Variants in TMEM108 observed in about 807,000 individuals in gnomAD.
The protein encoded by TMEM108 is transmembrane protein 108, also known as cancer/testis antigen 124.
TMEM108 carries 12 observed loss-of-function variants against 35.1 expected under a neutral mutation model. The observed-to-expected ratio is 0.34, with a 90% CI of 0.22 to 0.55. The LOEUF (loss-of-function observed/expected upper bound fraction) is 0.55, where lower values mean the gene tolerates loss of function less well. TMEM108 is among the 20% of genes least tolerant of loss of function. TMEM108 has a pLI of 0.89. For synonymous variants in TMEM108, 287 were observed against 308.6 expected (o/e 0.93, Z 0.73); for missense variants, 680 against 753.3 (o/e 0.90, Z 1.14).
intron 2 of TMEM108, among the ~76,000 whole-genome samples, chr3:133,181,023 A>AAAAAAAAAAAC (rs1945332940): frequency 7.0e-6 from 1 of 141,852 alleles, no homozygotes; most frequent in Non-Finnish European, 1.5e-5. Context: ...AAAAAAAAAA[A>AAAAAAAAAAAC]AAAAAAAAAA....
chr3:133,315,842 G>T lies in TMEM108; in HGVS notation c.41-63910G>T, dbSNP rs138913453. On this transcript the variant is annotated intron_variant, in intron 3 of 5. Coordinates refer to ENST00000321871, the MANE Select transcript of TMEM108 (RefSeq NM_023943.4). ...CAAAATCACTTTATTTTATATTATA[G>T]ATTAACATTAAATGAGTAAGGAATA... Among the ~76,000 whole-genome samples, 647 of 152,282 alleles carry T rather than the reference G, an allele frequency of 4.2e-3. 2 individuals carry two copies. The highest frequency in any genetic ancestry group is 0.014 in the African/African-American group (600 of 41,554).
intron 3 of TMEM108, among the ~76,000 whole-genome samples, chr3:133,338,484 T>G (rs544331988): frequency 6.6e-6 from 1 of 152,104 alleles, no homozygotes; most frequent in South Asian, 2.1e-4. Flanking sequence ...GAAGCAGAAA[T>G]AGACTTTCCC....
chr3:133,143,104 T>C (rs1425523643), intron 2 of TMEM108, among the ~76,000 whole-genome samples: 2 of 152,172 alleles, frequency 1.3e-5, no homozygotes, highest in Non-Finnish European at 2.9e-5. Context: ...AACAAGTGTA[T>C]GGTGCTGAAG....
intron 3 of TMEM108, among the ~76,000 whole-genome samples, chr3:133,311,047 G>T (rs1371458299): frequency 2.0e-5 from 3 of 152,164 alleles, no homozygotes; most frequent in Admixed American, 2.0e-4. Flanking sequence ...GTTGAATATT[G>T]ACCCCCACTC....
intron 3 of TMEM108, among the ~76,000 whole-genome samples, chr3:133,275,144 A>G (rs1442821273): frequency 2.0e-5 from 3 of 151,886 alleles, no homozygotes; most frequent in African/African-American, 7.3e-5. Context: ...TTTAGCTCTG[A>G]CTCTACAACT....
chr3:133,123,699 T>A (rs931313869), intron 2 of TMEM108, among the ~76,000 whole-genome samples: 1 of 152,236 alleles, frequency 6.6e-6, no homozygotes, highest in East Asian at 1.9e-4. Flanking sequence ...AAGCCTCTTT[T>A]TAGAAGAAAT....
intron 3 of TMEM108, among the ~76,000 whole-genome samples, chr3:133,303,659 C>T (rs1947262650): frequency 6.6e-6 from 1 of 152,112 alleles, no homozygotes; most frequent in African/African-American, 2.4e-5. Flanking sequence ...CACACACACA[C>T]ACATCCTTAA....
At chr3:133,084,378 T>C (rs544443902) in intron 2 of TMEM108, among the ~76,000 whole-genome samples, 11 of 152,300 alleles carry the variant, frequency 7.2e-5, no homozygotes, top group African/African-American at 2.4e-5. Flanking sequence ...TCTTCCCTTC[T>C]CTCTCCCACT....
intron 2 of TMEM108, among the ~76,000 whole-genome samples, chr3:133,215,171 G>T (rs1945888496): frequency 6.6e-6 from 1 of 152,012 alleles, no homozygotes; most frequent in African/African-American, 2.4e-5. Context: ...TATTTAGTAT[G>T]TATTGTTGAT....
rs1002568750 is a variant in TMEM108, at chr3:133,209,084, C to T, written c.-46-20182C>T. On this transcript the variant is annotated intron_variant, in intron 2 of 5. Transcript: ENST00000321871. ...TTTAAGAGACAGGGTCTCACAGTTG[C>T]CCAGGCTGAAGTGCAGTGGCACAAT... Among the ~76,000 whole-genome samples the T allele has an allele frequency of 6.6e-5, 10 of 152,258 alleles. No homozygotes were observed. In the South Asian group the frequency reaches 2.1e-3, roughly 32 times the overall value.
chr3:133,159,297 A>G (rs1183298290), intron 2 of TMEM108, among the ~76,000 whole-genome samples: 1 of 152,170 alleles, frequency 6.6e-6, no homozygotes, highest in African/African-American at 2.4e-5. Context: ...TTGCTAATCT[A>G]GTTAGGTAAG....
Position 133,380,563 on chromosome 3 carries a change from C to T in TMEM108, c.852C>T (p.Ala284=). ...ACAAGCCAGGCCTTCGCAGAGCAGC[C>T]CAGGGGGGTGGTTCTACCTTCACCA... ...AKDKPGLRRA[A]QGGGSTFTSQ... is the part of the protein sequence containing the mutation. Residue 284 remains alanine (A), a synonymous_variant, in exon 4 of 6, where the codon GCC becomes GCT. Coordinates refer to ENST00000321871, the MANE Select transcript of TMEM108 (RefSeq NM_023943.4). This position sits in a 1 kb window ranked among gnomAD's most constrained non-coding sequence, Gnocchi z 5.3. 2 of 1,613,678 alleles carry T rather than the reference C, an allele frequency of 1.2e-6. No individual in the cohort carries two copies. The highest frequency in any genetic ancestry group is 1.3e-5 in the African/African-American group (1 of 75,034).
intron 2 of TMEM108, among the ~76,000 whole-genome samples, chr3:133,140,159 A>G (rs1457765862): frequency 6.6e-6 from 1 of 152,224 alleles, no homozygotes; most frequent in African/African-American, 2.4e-5. Flanking sequence ...CTTTGGGGAA[A>G]AGATTTGCCG....
At chr3:133,060,756 C>T (rs1943525414) in intron 2 of TMEM108, among the ~76,000 whole-genome samples, 1 of 152,136 alleles carries the variant, frequency 6.6e-6, no homozygotes, top group Admixed American at 6.5e-5. Context: ...TACACCTTGA[C>T]CCAGCAATTC....
At chr3:133,062,524 T>C (rs530330208) in intron 2 of TMEM108, among the ~76,000 whole-genome samples, 1 of 152,320 alleles carries the variant, frequency 6.6e-6, no homozygotes, top group South Asian at 2.1e-4. Flanking sequence ...ACCATAAGAA[T>C]TTGTGCTAAG....
chr3:133,203,319 C>T (rs1245744052), intron 2 of TMEM108, among the ~76,000 whole-genome samples: 1 of 152,154 alleles, frequency 6.6e-6, no homozygotes, highest in South Asian at 2.1e-4. Context: ...GCCAGAACTT[C>T]GAATACTATG....
intron 3 of TMEM108, among the ~76,000 whole-genome samples, chr3:133,272,218 G>A (rs182728661): frequency 6.6e-6 from 1 of 151,792 alleles, no homozygotes; most frequent in African/African-American, 2.4e-5. Context: ...TGGGGCGGAG[G>A]GGTATGTGGA....
rs1476235185 is a variant in TMEM108 at position 133,319,177 on chromosome 3, C to T, written c.41-60575C>T. Reference sequence around the variant, plus strand: ...ACCCCTTTATCCCCCATGGTAGCTACGGCAAGCCCTTGCCCAAGAAGAGTC... The same window carrying T: ...ACCCCTTTATCCCCCATGGTAGCTATGGCAAGCCCTTGCCCAAGAAGAGTC... On this transcript the variant is annotated intron_variant, in intron 3 of 5. Transcript: ENST00000321871. Among the ~76,000 whole-genome samples the T allele has an allele frequency of 3.3e-5, 5 of 152,264 alleles. No homozygotes were observed. In the South Asian group the frequency reaches 6.2e-4, roughly 19 times the overall value.
rs562773882 is a variant in TMEM108, at chr3:133,355,889, A to C, written c.41-23863A>C. The stretch of plus-strand genomic sequence containing the variant: ...TTTAATTGCTAGCTTTTTTCTTTCT[A>C]ACTGGCACAAAAAAATAGTGTATTT... On this transcript the variant is annotated intron_variant, in intron 3 of 5. Coordinates refer to ENST00000321871, the MANE Select transcript of TMEM108 (RefSeq NM_023943.4). Among the ~76,000 whole-genome samples, 17 of 152,252 alleles carry C rather than the reference A, an allele frequency of 1.1e-4. No individual in the cohort carries two copies. The South Asian group carries it at 1.5e-3, about 13-fold the overall frequency.
Sources: allele counts gnomAD v4.1 joint callset (sites outside exome capture counted in the v4.1 genomes callset), GRCh38; gene constraint gnomAD v4.1.1; non-coding constraint Gnocchi (gnomAD v3.1); transcripts MANE v1.5; gene names NCBI Gene and HGNC (gene_info 2026-07-23, HGNC 2026-07-21).